Variants in NECAB1 observed in about 807,000 individuals in gnomAD.
NECAB1 encodes N-terminal EF-hand calcium-binding protein 1.
A neutral mutation model predicts 57.5 loss-of-function variants in NECAB1; 29 were observed. The ratio of observed to expected loss-of-function variants is 0.50; its 90% CI spans 0.38 to 0.69. The LOEUF is 0.69. Ranked by LOEUF, NECAB1 falls within the 30% of genes least tolerant of loss-of-function variation. NECAB1 has a pLI of 0.00. For synonymous variants in NECAB1, 142 were observed against 147.7 expected (o/e 0.96, Z 0.28); for missense variants, 372 against 413.8 (o/e 0.90, Z 0.88).
At chr8:90,920,215 T>C (rs1810069753) in intron 6 of NECAB1, among the ~76,000 whole-genome samples, 1 of 152,058 alleles carries the variant, frequency 6.6e-6, no homozygotes, top group Non-Finnish European at 1.5e-5. Context: ...AATGACAAAA[T>C]CCCACCCCAA....
At chr8:90,828,819 G>A (rs1354301381) in intron 3 of NECAB1, among the ~76,000 whole-genome samples, 1 of 152,038 alleles carries the variant, frequency 6.6e-6, no homozygotes, top group African/African-American at 2.4e-5. Context: ...TGGCAAAGGA[G>A]AAGAAAGTCA....
At chr8:90,926,510 T>C (rs569999557) in intron 7 of NECAB1, among the ~76,000 whole-genome samples, 30 of 152,226 alleles carry the variant, frequency 2.0e-4, no homozygotes, top group Non-Finnish European at 4.1e-4. Flanking sequence ...TAGTCCATTT[T>C]TATTGTGAAG....
At chr8:90,847,290 ACT>A (rs1812586105) in intron 3 of NECAB1, among the ~76,000 whole-genome samples, 2 of 152,188 alleles carry the variant, frequency 1.3e-5, no homozygotes, top group African/African-American at 2.4e-5. Context: ...ATCTCCTTTG[ACT>A]CTGTGTCTCA....
At chr8:90,913,257 A>G (rs534038762) in intron 5 of NECAB1, among the ~76,000 whole-genome samples, 1 of 152,306 alleles carries the variant, frequency 6.6e-6, no homozygotes, top group Admixed American at 6.5e-5. Context: ...AGCTCCACCA[A>G]AGGAAATGTG....
chr8:90,920,388 A>G lies in NECAB1; in HGVS notation c.494+2760A>G, dbSNP rs574275027. Reference sequence around the variant, plus strand: ...GGACTGTGTCTCCTCTCCCAAGGCTATATCTTCCTATCAGCTGGCCACCAA... The same window carrying G: ...GGACTGTGTCTCCTCTCCCAAGGCTGTATCTTCCTATCAGCTGGCCACCAA... On this transcript the variant is annotated intron_variant, in intron 6 of 12. Coordinates refer to ENST00000417640, the MANE Select transcript of NECAB1 (RefSeq NM_022351.5). Among the ~76,000 whole-genome samples the G allele has an allele frequency of 3.3e-5, 5 of 152,332 alleles. No homozygotes were observed. The East Asian group carries it at 7.7e-4, about 23-fold the overall frequency.
intron 3 of NECAB1, among the ~76,000 whole-genome samples, chr8:90,861,696 T>G (rs1808384972): frequency 6.6e-6 from 1 of 152,184 alleles, no homozygotes; most frequent in Non-Finnish European, 1.5e-5. Flanking sequence ...TATTAGGTTA[T>G]TCGATCTTCA....
intron 2 of NECAB1, among the ~76,000 whole-genome samples, chr8:90,817,040 A>T (rs796639601): frequency 3.3e-5 from 5 of 151,866 alleles, no homozygotes; most frequent in African/African-American, 1.2e-4. Context: ...ATTTTGTTGG[A>T]TCTACACCAA....
chr8:90,878,144 C>T (rs1808763545), intron 4 of NECAB1, among the ~76,000 whole-genome samples: 1 of 152,000 alleles, frequency 6.6e-6, no homozygotes, highest in Non-Finnish European at 1.5e-5. Flanking sequence ...TCAAGCAATT[C>T]TCCTGCCTTA....
At chr8:90,914,232 A>G (rs1419339954) in intron 5 of NECAB1, among the ~76,000 whole-genome samples, 29 of 152,220 alleles carry the variant, frequency 1.9e-4, no homozygotes, top group Admixed American at 1.9e-3. Context: ...AGACAAATGA[A>G]CAACAGATCA....
intron 2 of NECAB1, among the ~76,000 whole-genome samples, chr8:90,802,243 C>T (rs1222616052): frequency 3.3e-5 from 5 of 152,218 alleles, no homozygotes; most frequent in African/African-American, 1.2e-4. Context: ...TTCCTGGCCA[C>T]TGCTTTCCTA....
At chr8:90,954,067 AAAATAAAT>A (rs60959508) in intron 12 of NECAB1, among the ~76,000 whole-genome samples, 2,232 of 142,602 alleles carry the variant, frequency 0.016, 27 homozygotes, top group African/African-American at 0.02. Context: ...AGACTGTCTC[AAAATAAAT>A]AAATAAATAA....
intron 5 of NECAB1, among the ~76,000 whole-genome samples, chr8:90,892,265 G>C (rs1235526832): frequency 7.0e-6 from 1 of 143,388 alleles, no homozygotes; most frequent in Non-Finnish European, 1.5e-5. Context: ...TTAATACATA[G>C]GTTTTTTCTC....
intron 7 of NECAB1, among the ~76,000 whole-genome samples, chr8:90,927,136 A>T (rs566784202): frequency 1.2e-3 from 184 of 151,964 alleles, no homozygotes; most frequent in Non-Finnish European, 1.8e-3. Flanking sequence ...ATTAGAATTT[A>T]AAAAAAACAT....
intron 6 of NECAB1, among the ~76,000 whole-genome samples, chr8:90,922,485 G>GTTTTTTTTTTTTTT (rs1586127873): frequency 4.6e-5 from 3 of 65,222 alleles, no homozygotes; most frequent in African/African-American, 2.0e-4. Context: ...CAAAAACTTG[G>GTTTTTTTTTTTTTT]ATTTTTTTTT....
At chr8:90,902,738 G>A (rs1461829245) in intron 5 of NECAB1, among the ~76,000 whole-genome samples, 1 of 152,002 alleles carries the variant, frequency 6.6e-6, no homozygotes, top group Non-Finnish European at 1.5e-5. Flanking sequence ...ACATGATAAT[G>A]GGACTTTAAA....
chr8:90,954,257 GACT>G (rs1810975621), intron 12 of NECAB1, among the ~76,000 whole-genome samples: 1 of 152,048 alleles, frequency 6.6e-6, no homozygotes, highest in East Asian at 1.9e-4. Context: ...TTATGGTTAA[GACT>G]ACTAAGTGGT....
chr8:90,928,413 C>G (rs937682686), intron 8 of NECAB1, 114 bp downstream of exon 8: 2 of 693,660 alleles, frequency 2.9e-6, no homozygotes, highest in Non-Finnish European at 4.5e-6. Context: ...AGCCAGGATC[C>G]CAATGATTCT....
intron 3 of NECAB1, among the ~76,000 whole-genome samples, chr8:90,857,984 T>C (rs1812824695): frequency 6.6e-6 from 1 of 152,168 alleles, no homozygotes; most frequent in Non-Finnish European, 1.5e-5. Context: ...TGAAGCATAA[T>C]TGTTATAGAA....
chr8:90,925,234 C>T (rs1810231844), intron 6 of NECAB1, among the ~76,000 whole-genome samples: 1 of 151,982 alleles, frequency 6.6e-6, no homozygotes, highest in Non-Finnish European at 1.5e-5. Flanking sequence ...AAACAAAATA[C>T]AATAGCTGCA....
Sources: allele counts gnomAD v4.1 joint callset (sites outside exome capture counted in the v4.1 genomes callset), GRCh38; gene constraint gnomAD v4.1.1; transcripts MANE v1.5; gene names NCBI Gene and HGNC (gene_info 2026-07-23, HGNC 2026-07-21).